SLC29A1: variants seen among roughly 807,000 people sequenced by gnomAD.
The protein encoded by SLC29A1 is equilibrative nucleoside transporter 1.
Under a neutral mutation model 48.3 loss-of-function variants are expected in SLC29A1, and 22 were observed. That is an observed-to-expected ratio of 0.46 (90% confidence interval 0.33 to 0.65). The LOEUF (loss-of-function observed/expected upper bound fraction) is 0.65, where lower values mean the gene tolerates loss of function less well. SLC29A1 is among the 30% of genes least tolerant of loss of function. SLC29A1 has a pLI of 0.03. For synonymous variants in SLC29A1, 228 were observed against 231.0 expected, an observed-to-expected ratio of 0.99 and a Z score of 0.12; for missense variants, 491 against 575.3, an observed-to-expected ratio of 0.85 and a Z score of 1.50.
At chr6:44,224,636 A>T (rs938112831) in intron 1 of SLC29A1, among the ~76,000 whole-genome samples, 6 of 152,122 alleles carry the variant, frequency 3.9e-5, no homozygotes, top group Non-Finnish European at 8.8e-5. Context: ...ATTCAGTGCT[A>T]GTACTAGCTT....
rs1053640335 is a variant in SLC29A1, at chr6:44,232,099, C to T, written c.966C>T (p.Ser322=). 1.2e-6 allele frequency: 2 copies of T among 1,611,996 alleles called. No individual in the cohort carries two copies. The highest frequency in any genetic ancestry group is 1.7e-6 in the Non-Finnish European group (2 of 1,178,200). ...TCAAGTCCAGCATCGCAGGCAGCAG[C>T]ACCTGGGGTGAGGATGCCACAGGTT... ...VEVKSSIAGS[S]TWERYFIPVS... Residue 322 remains serine, a synonymous_variant, in exon 10 of 13, where the codon AGC becomes AGT. Coordinates refer to ENST00000371755, the MANE Select transcript of SLC29A1 (RefSeq NM_001372327.1). This position sits in a 1 kb window ranked among gnomAD's most constrained non-coding sequence, Gnocchi z 4.7.
At chr6:44,226,638 T>C (rs1582938458) in intron 1 of SLC29A1, 1 of 541,572 alleles carries the variant, frequency 1.8e-6, no homozygotes, top group Admixed American at 6.4e-5. Context: ...GGAATCTGGG[T>C]TGCCTTCAGG....
intron 8 of SLC29A1, 146 bp from the exon 9 acceptor site, chr6:44,231,218 C>T (rs951021578): frequency 4.7e-5 from 30 of 637,914 alleles, no homozygotes; most frequent in Admixed American, 1.3e-4. Flanking sequence ...GATTTGGAGG[C>T]GAGGTCTGGG....
At chr6:44,223,575 C>A (rs747220201), upstream of SLC29A1, 1 of 1,210,048 alleles carries the variant, frequency 8.3e-7, no homozygotes, top group South Asian at 1.4e-5. This position sits in a 1 kb window ranked among gnomAD's most constrained non-coding sequence, Gnocchi z 5.0. Flanking sequence ...GAATGTGCCC[C>A]GGCGGGAGAG....
At chr6:44,222,906 C>T (rs145750898), upstream of SLC29A1, among the ~76,000 whole-genome samples, 1 of 152,314 alleles carries the variant, frequency 6.6e-6, no homozygotes, top group African/African-American at 2.4e-5. Context: ...AGGGCTTTGC[C>T]CCACCCCCCT....
chr6:44,232,602 T>C lies in SLC29A1; in HGVS notation c.1059+174T>C. ...GTGTACAACTTAATGAATATATGTATATACACATACCTGCCCAGATCGAGA... is the reference window on the plus strand; with the variant it reads ...GTGTACAACTTAATGAATATATGTACATACACATACCTGCCCAGATCGAGA... On this transcript the variant is annotated intron_variant, in intron 11 of 12. Coordinates refer to ENST00000371755, the MANE Select transcript of SLC29A1 (RefSeq NM_001372327.1). This position sits in a 1 kb window ranked among gnomAD's most constrained non-coding sequence, Gnocchi z 4.7. 1 of 641,724 alleles carries C rather than the reference T, an allele frequency of 1.6e-6. No homozygotes were observed. The highest frequency in any genetic ancestry group is 1.9e-5 in the South Asian group (1 of 53,210). The allele number at this position is 641,724 out of a possible 1,614,324, so 39.8% of individuals were successfully genotyped here.
chr6:44,221,175 C>T (rs1776373099), upstream of SLC29A1, among the ~76,000 whole-genome samples: 1 of 152,238 alleles, frequency 6.6e-6, no homozygotes, highest in African/African-American at 2.4e-5. The surrounding 1 kb of genome is among the most constrained non-coding windows in gnomAD (Gnocchi z 4.2). Context: ...TGAGCCACCA[C>T]TCCTGGCCTA....
upstream of SLC29A1, chr6:44,223,551 C>T (rs897685532): frequency 1.7e-6 from 2 of 1,188,124 alleles, no homozygotes; most frequent in Non-Finnish European, 2.1e-6. This position sits in a 1 kb window ranked among gnomAD's most constrained non-coding sequence, Gnocchi z 5.0. Context: ...GCGAGCTCAG[C>T]GGAGGGCGGG....
chr6:44,228,675 C>T (rs979986463), intron 2 of SLC29A1, among the ~76,000 whole-genome samples: 8 of 152,234 alleles, frequency 5.3e-5, no homozygotes, highest in East Asian at 1.9e-4. Flanking sequence ...GAGAAGCTGG[C>T]GTGACCCGGA....
chr6:44,226,820 C>T, intron 1 of SLC29A1: 2 of 1,014,392 alleles, frequency 2.0e-6, no homozygotes, highest in Non-Finnish European at 2.4e-6. Context: ...CTCCCCCGAC[C>T]TCTTTGCTGT....
At position 44,227,329 on chromosome 6, in the gene SLC29A1, C is replaced by A; in HGVS notation, c.16C>A (p.Gln6Lys). 1 of 1,614,032 alleles carries A rather than the reference C, an allele frequency of 6.2e-7. No individual in the cohort carries two copies. Among genetic ancestry groups the A allele is most frequent in the Non-Finnish European group, 8.5e-7 (1 of 1,179,928 alleles). ...CACCATCACCATGACAACCAGTCAC[C>A]AGCCTCAGGACAGGTAAGGGGTAAG... The part of the protein sequence containing the change: MTTSH[Q>K]PQDRYKAVWL... Residue 6 changes from glutamine (Q) to lysine (K), a missense_variant, in exon 2 of 13, where the codon CAG (glutamine) becomes AAG (lysine). Physicochemically the swap from Gln to Lys is moderately conservative, Grantham distance 53 (BLOSUM62 1). Transcript: ENST00000371755.
rs139607029 is a variant in SLC29A1, at chr6:44,229,022, C to T, written c.30-368C>T. 5.3e-5 allele frequency among the ~76,000 whole-genome samples: 8 copies of T among 152,324 alleles called. No homozygotes were observed. The highest frequency in any genetic ancestry group is 2.6e-4 in the Admixed American group (4 of 15,308). ...GGGAGTGGAAGACACTTGCTGCTTG[C>T]TTTCTCACTCATCCACCCACCCCCT... On this transcript the variant is annotated intron_variant, in intron 2 of 12. Coordinates refer to ENST00000371755, the MANE Select transcript of SLC29A1 (RefSeq NM_001372327.1). This position sits in a 1 kb window ranked among gnomAD's most constrained non-coding sequence, Gnocchi z 5.1.
chr6:44,220,333 A>G (rs1215930713), upstream of SLC29A1, among the ~76,000 whole-genome samples: 3 of 144,264 alleles, frequency 2.1e-5, no homozygotes, highest in Non-Finnish European at 4.5e-5. Flanking sequence ...ATGCGTCAAC[A>G]TGCTCAGCTA....
Position 44,229,790 on chromosome 6 carries a change from A to T in SLC29A1, c.313A>T (p.Arg105Trp). The T allele has an allele frequency of 6.2e-7, 1 of 1,613,370 alleles. No individual in the cohort carries two copies. The highest frequency in any genetic ancestry group is 1.1e-5 in the South Asian group (1 of 91,066). Residue 105 changes from arginine (R) to tryptophan (W), a missense_variant and splice_region_variant, in exon 4 of 13, where the codon AGG becomes TGG. By Grantham distance (101) the Arg-to-Trp change is moderately radical. Coordinates refer to ENST00000371755, the MANE Select transcript of SLC29A1 (RefSeq NM_001372327.1). The surrounding 1 kb of genome is among the most constrained non-coding windows in gnomAD (Gnocchi z 5.1). The part of the protein sequence containing the change: ...FTYLNSFLHQ[R>W]IPQSVRILGS... ...CTACCTCAACTCCTTCCTGCATCAG[A>T]GGTGAGTGCCCACCCCCTCCCCAGC...
At chr6:44,226,657 G>GC (rs1777590722) in intron 1 of SLC29A1, 32 of 800,088 alleles carry the variant, frequency 4.0e-5, no homozygotes, top group Non-Finnish European at 4.8e-5. Flanking sequence ...GGAGAGGACA[G>GC]CCCCACTCTA....
At chr6:44,223,578 C>A (rs1315420178), upstream of SLC29A1, 12 of 1,210,074 alleles carry the variant, frequency 9.9e-6, 1 homozygote, top group East Asian at 2.9e-4. The surrounding 1 kb of genome is among the most constrained non-coding windows in gnomAD (Gnocchi z 5.0). Flanking sequence ...TGTGCCCCGG[C>A]GGGAGAGGGA....
At chr6:44,224,412 G>T (rs899409734) in intron 1 of SLC29A1, among the ~76,000 whole-genome samples, 1 of 151,904 alleles carries the variant, frequency 6.6e-6, no homozygotes, top group Non-Finnish European at 1.5e-5. Context: ...GTCAGGCTGG[G>T]AATGATCTTG....
chr6:44,220,552 C>T (rs1244661161), upstream of SLC29A1, among the ~76,000 whole-genome samples: 3 of 150,732 alleles, frequency 2.0e-5, no homozygotes, highest in South Asian at 2.1e-4. Context: ...TGGTGGCTCA[C>T]GCCTGTCATC....
At chr6:44,228,206 C>G (rs914612315) in intron 2 of SLC29A1, among the ~76,000 whole-genome samples, 3 of 152,178 alleles carry the variant, frequency 2.0e-5, no homozygotes, top group African/African-American at 4.8e-5. Flanking sequence ...GGCTGCCTGC[C>G]CATTCTGTCC....
Sources: gnomAD v4.1 joint callset for allele counts (sites outside exome capture counted in the v4.1 genomes callset) on GRCh38, gnomAD v4.1.1 for gene constraint, Gnocchi (gnomAD v3.1) non-coding constraint, MANE v1.5 for transcripts, NCBI Gene and HGNC (gene_info 2026-07-23, HGNC 2026-07-21) for gene names.